GRIA1: variants seen among roughly 807,000 people sequenced by gnomAD.
The protein encoded by GRIA1 is glutamate receptor 1.
In GRIA1, 31 loss-of-function variants were observed where a neutral mutation model predicts 99.2. The ratio of observed to expected loss-of-function variants is 0.31; its 90% CI spans 0.23 to 0.42. The LOEUF is 0.42. Among genes scored for constraint, GRIA1 ranks in the 10% least tolerant of loss-of-function variants. The probability of loss-of-function intolerance (pLI) is 1.00; values close to 1 mark genes in which losing one functional copy is unlikely to be tolerated. For missense variants in GRIA1, 782 were observed against 1,157.5 expected, an observed-to-expected ratio of 0.68 and a Z score of 4.71; for synonymous variants, 438 against 432.4, an observed-to-expected ratio of 1.01 and a Z score of -0.16.
chr5:153,500,535 T>C (rs547940876), intron 2 of GRIA1, among the ~76,000 whole-genome samples: 2 of 151,958 alleles, frequency 1.3e-5, no homozygotes, highest in East Asian at 1.9e-4. Context: ...CAGGTTCTTA[T>C]AAAGGAAATA....
intron 2 of GRIA1, among the ~76,000 whole-genome samples, chr5:153,602,749 G>A (rs918539449): frequency 6.6e-6 from 1 of 152,020 alleles, no homozygotes; most frequent in Non-Finnish European, 1.5e-5. Flanking sequence ...TCTCTACGAT[G>A]GAGGAAGGGG....
chr5:153,643,611 G>A (rs1399011188), intron 2 of GRIA1, among the ~76,000 whole-genome samples: 1 of 151,966 alleles, frequency 6.6e-6, no homozygotes, highest in Non-Finnish European at 1.5e-5. Context: ...CTTAAGTTTG[G>A]CTGAAGTGTA....
chr5:153,499,193 C>A (rs1006457527), intron 2 of GRIA1, among the ~76,000 whole-genome samples: 4 of 152,126 alleles, frequency 2.6e-5, no homozygotes, highest in Admixed American at 1.3e-4. Flanking sequence ...ATCCCCATTT[C>A]ATTGATGATG....
intron 2 of GRIA1, among the ~76,000 whole-genome samples, chr5:153,526,391 C>G (rs945172866): frequency 2.6e-5 from 4 of 152,188 alleles, no homozygotes; most frequent in Admixed American, 2.0e-4. Context: ...GACTCATATT[C>G]TAAGCTTATA....
intron 5 of GRIA1, among the ~76,000 whole-genome samples, chr5:153,658,115 G>A (rs1755086495): frequency 6.6e-6 from 1 of 152,138 alleles, no homozygotes; most frequent in Non-Finnish European, 1.5e-5. Flanking sequence ...CTGTCACCAA[G>A]GGTAGCAGGC....
intron 5 of GRIA1, among the ~76,000 whole-genome samples, chr5:153,667,990 A>G (rs1210563684): frequency 1.3e-5 from 2 of 152,216 alleles, no homozygotes; most frequent in African/African-American, 4.8e-5. Flanking sequence ...CATTGTACTC[A>G]AATGCCTTTT....
chr5:153,744,349 C>T (rs1280833275), intron 11 of GRIA1, among the ~76,000 whole-genome samples: 1 of 152,164 alleles, frequency 6.6e-6, no homozygotes, highest in Non-Finnish European at 1.5e-5. Flanking sequence ...ATAACAAATG[C>T]TTTCCTGAGT....
chr5:153,581,770 T>C (rs1581264299), intron 2 of GRIA1, among the ~76,000 whole-genome samples: 1 of 127,796 alleles, frequency 7.8e-6, no homozygotes, highest in South Asian at 2.5e-4. Flanking sequence ...TTTTTTTTTT[T>C]AGAAGGGTGT....
intron 2 of GRIA1, among the ~76,000 whole-genome samples, chr5:153,524,486 CAT>C (rs1223810867): frequency 1.2e-4 from 18 of 152,156 alleles, no homozygotes; most frequent in African/African-American, 4.3e-4. Flanking sequence ...TAAGACAACT[CAT>C]CTATAAGGAT....
At chr5:153,767,058 G>A (rs998046483) in intron 12 of GRIA1, among the ~76,000 whole-genome samples, 3 of 152,120 alleles carry the variant, frequency 2.0e-5, no homozygotes, top group Non-Finnish European at 4.4e-5. Flanking sequence ...AGGATTCTTT[G>A]ATTGATATCA....
At chr5:153,565,238 C>A (rs530360843) in intron 2 of GRIA1, among the ~76,000 whole-genome samples, 19 of 152,230 alleles carry the variant, frequency 1.2e-4, no homozygotes, top group Admixed American at 1.0e-3. Context: ...TCTTTTGGTT[C>A]AGGTATTCTT....
intron 2 of GRIA1, among the ~76,000 whole-genome samples, chr5:153,634,895 G>C (rs927012918): frequency 1.3e-5 from 2 of 152,218 alleles, no homozygotes; most frequent in African/African-American, 4.8e-5. Flanking sequence ...TTAGTTTCTG[G>C]TGTTGCCACT....
At chr5:153,613,685 C>T (rs1766205936) in intron 2 of GRIA1, among the ~76,000 whole-genome samples, 2 of 150,954 alleles carry the variant, frequency 1.3e-5, no homozygotes, top group African/African-American at 2.4e-5. Context: ...TTGCACCAAC[C>T]TAACACTTTT....
intron 2 of GRIA1, among the ~76,000 whole-genome samples, chr5:153,524,573 A>G (rs1477591583): frequency 6.6e-6 from 1 of 152,204 alleles, no homozygotes; most frequent in South Asian, 2.1e-4. Context: ...GATCACTTCT[A>G]AAAAATCAAT....
At chr5:153,517,202 AG>A (rs1756708418) in intron 2 of GRIA1, among the ~76,000 whole-genome samples, 1 of 152,148 alleles carries the variant, frequency 6.6e-6, no homozygotes, top group Non-Finnish European at 1.5e-5. Flanking sequence ...ACCAGCGAGG[AG>A]AAAACATTCA....
chr5:153,643,277 T>C (rs1432720937), intron 2 of GRIA1, among the ~76,000 whole-genome samples: 1 of 152,160 alleles, frequency 6.6e-6, no homozygotes, highest in African/African-American at 2.4e-5. Flanking sequence ...AAACAATCAT[T>C]TCACAGATGG....
chr5:153,743,954 A>C (rs1761984236), intron 11 of GRIA1, among the ~76,000 whole-genome samples: 1 of 152,188 alleles, frequency 6.6e-6, no homozygotes, highest in Admixed American at 6.5e-5. Context: ...CACAGGGCCC[A>C]GGTCCTAGTG....
chr5:153,735,164 A>G (rs2149564843), intron 11 of GRIA1, among the ~76,000 whole-genome samples: 1 of 152,356 alleles, frequency 6.6e-6, no homozygotes. Context: ...TATGTAAAAT[A>G]GACCATTACA....
intron 2 of GRIA1, among the ~76,000 whole-genome samples, chr5:153,589,292 T>TCCA (rs1306119229): frequency 2.6e-5 from 4 of 152,274 alleles, no homozygotes; most frequent in Admixed American, 6.5e-5. Context: ...GTGCATCAAT[T>TCCA]TTGGATCACT....
Sources: gnomAD v4.1 joint callset for allele counts (sites outside exome capture counted in the v4.1 genomes callset) on GRCh38, gnomAD v4.1.1 for gene constraint, MANE v1.5 for transcripts, NCBI Gene and HGNC (gene_info 2026-07-23, HGNC 2026-07-21) for gene names.